RIOX1: variants seen among roughly 807,000 people sequenced by gnomAD.
RIOX1 encodes 60S ribosomal protein L8 histidine hydroxylase.
RIOX1 carries 33 observed loss-of-function variants against 44.6 expected under a neutral mutation model. The ratio of observed to expected loss-of-function variants is 0.74; its 90% CI spans 0.56 to 0.99. The LOEUF (loss-of-function observed/expected upper bound fraction) is 0.99. RIOX1 is among the 50% of genes least tolerant of loss of function. The probability of loss-of-function intolerance (pLI) is 0.00; values close to 1 mark genes in which losing one functional copy is unlikely to be tolerated. For missense variants in RIOX1, 821 were observed against 871.7 expected, an observed-to-expected ratio of 0.94 and a Z score of 0.73; for synonymous variants, 387 against 395.8, an observed-to-expected ratio of 0.98 and a Z score of 0.26.
rs1368216195 is a variant in RIOX1 at position 73,492,954 on chromosome 14, A to T, written c.*11A>T. 6.2e-7 allele frequency: 1 copy of T among 1,602,484 alleles called. No homozygotes were observed. Among genetic ancestry groups the T allele is most frequent in the Admixed American group, 1.7e-5 (1 of 59,236 alleles). The stretch of plus-strand genomic sequence containing the variant: ...CTAGCCCTAAATTAGTTTCTTGTTG[A>T]TTGCTGGAAACAAGGCAGTAGTGAT... On this transcript the variant is annotated 3_prime_UTR_variant, in exon 1 of 1. Coordinates refer to ENST00000304061, the MANE Select transcript of RIOX1 (RefSeq NM_024644.5). The surrounding 1 kb of genome is among the most constrained non-coding windows in gnomAD (Gnocchi z 4.9).
rs753520163 is a variant in RIOX1 at position 73,492,259 on chromosome 14, C to T, written c.1242C>T (p.His414=). 1 of 1,614,032 alleles carries T rather than the reference C, an allele frequency of 6.2e-7. No individual in the cohort carries two copies. The highest frequency in any genetic ancestry group is 1.7e-5 in the Admixed American group (1 of 60,018). ...IHQAECQDGV[H]SLHLTLSTYQ... ...AAGCTGAATGCCAGGATGGAGTCCA[C>T]TCTCTGCACCTCACCTTGTCCACGT... The change falls in exon 1 of 1, where the codon CAC becomes CAT. Residue 414 remains histidine (H), a synonymous_variant. Transcript: ENST00000304061. The surrounding 1 kb of genome is among the most constrained non-coding windows in gnomAD (Gnocchi z 4.9).
chr14:73,492,366 T>A lies in RIOX1; in HGVS notation c.1349T>A (p.Phe450Tyr). ...VQAAMEENVE[F>Y]RRGLPRDFMD... ...GCTGCAATGGAAGAAAATGTGGAGT[T>A]TCGGAGGGGTCTGCCCCGAGACTTC... is the stretch of plus-strand genomic sequence containing the variant. The change falls in exon 1 of 1, where the codon TTT becomes TAT. Residue 450 changes from phenylalanine (F) to tyrosine (Y), a missense_variant. This residue lies in a region of RIOX1 where 267 missense variants were observed against 340.5 expected (regional missense o/e 0.78). Coordinates refer to ENST00000304061, the MANE Select transcript of RIOX1 (RefSeq NM_024644.5). This position sits in a 1 kb window ranked among gnomAD's most constrained non-coding sequence, Gnocchi z 4.9. The A allele has an allele frequency of 6.2e-7, 1 of 1,613,848 alleles. No homozygotes were observed. Among genetic ancestry groups the A allele is most frequent in the Non-Finnish European group, 8.5e-7 (1 of 1,179,820 alleles).
chr14:73,491,322 C>T lies in RIOX1; in HGVS notation c.305C>T (p.Pro102Leu), dbSNP rs114305121. ...CGAGAGCCATACGGCCACCTGGGGCCCGCAGAGCTGCTGGAGGCCTCGCCC... is the reference window on the plus strand; with the variant it reads ...CGAGAGCCATACGGCCACCTGGGGCTCGCAGAGCTGCTGGAGGCCTCGCCC... Reference protein sequence around the residue: ...ARREPYGHLGPAELLEASPAA... With the variant: ...ARREPYGHLGLAELLEASPAA... Residue 102 changes from proline to leucine, a missense_variant, in exon 1 of 1, where the codon CCC (proline) becomes CTC (leucine). Transcript: ENST00000304061. 5.8e-3 allele frequency: 8,740 copies of T among 1,502,856 alleles called. 465 individuals carry two copies. In the African/African-American group the frequency reaches 0.11, roughly 19 times the overall value. 93.1% of individuals were successfully genotyped at this position (1,502,856 alleles called of 1,614,324 possible).
In RIOX1 at chr14:73,491,444, G is replaced by A; in HGVS notation, c.427G>A (p.Val143Met). 2 of 1,384,680 alleles carry A rather than the reference G, an allele frequency of 1.4e-6. No individual in the cohort carries two copies. Among genetic ancestry groups the A allele is most frequent in the Non-Finnish European group, 1.9e-6 (2 of 1,080,464 alleles). The allele number at this position is 1,384,680 out of a possible 1,614,324, so 85.8% of individuals were successfully genotyped here. A position where few individuals can be genotyped will look rare whatever the true frequency, so the allele number is the denominator to read the frequency against. ...GGTGCCCGCCGCGCCGGTCCGGGTG[G>A]TGGAGACCTCGGCCCTGCTGTGCAC... is the stretch of plus-strand genomic sequence containing the variant. ...VEVPAAPVRV[V>M]ETSALLCTAQ... Residue 143 changes from valine to methionine, a missense_variant, in exon 1 of 1, where the codon GTG (valine) becomes ATG (methionine). This residue lies in a region of RIOX1 where 554 missense variants were observed against 531.2 expected (regional missense o/e 1.04). Transcript: ENST00000304061.
Position 73,491,330 on chromosome 14 carries a change from C to A in RIOX1, c.313C>A (p.Leu105Met), listed in dbSNP as rs1295719023. Residue 105 changes from leucine to methionine, a missense_variant, in exon 1 of 1, where the codon CTG becomes ATG. Leu to Met is a conservative substitution (Grantham distance 15, BLOSUM62 2). Transcript: ENST00000304061. ...ATACGGCCACCTGGGGCCCGCAGAG[C>A]TGCTGGAGGCCTCGCCCGCCGCGCG... The part of the protein sequence containing the change: ...EPYGHLGPAE[L>M]LEASPAARSL... 2.7e-6 allele frequency: 4 copies of A among 1,471,916 alleles called. No homozygotes were observed. In the African/African-American group the frequency reaches 4.4e-5, roughly 16 times the overall value. The allele number at this position is 1,471,916 out of a possible 1,614,324, so 91.2% of individuals were successfully genotyped here.
At position 73,493,177 on chromosome 14, in the gene RIOX1, C is replaced by G. The variant is rs1202516133; in HGVS notation, c.*234C>G. 2 of 1,475,512 alleles carry G rather than the reference C, an allele frequency of 1.4e-6. No homozygotes were observed. The highest frequency in any genetic ancestry group is 2.8e-5 in the African/African-American group (2 of 71,914). The allele number at this position is 1,475,512 out of a possible 1,614,324, so 91.4% of individuals were successfully genotyped here. ...GGAGGTGGAAAAAAAACCCTTGATC[C>G]GTGATCATTTCAGAGCACCAACTTC... On this transcript the variant is annotated 3_prime_UTR_variant, in exon 1 of 1. Transcript: ENST00000304061.
In RIOX1 at chr14:73,492,926, C is replaced by T; in HGVS notation, c.1909C>T (p.Pro637Ser). 6.2e-7 allele frequency: 1 copy of T among 1,613,016 alleles called. No homozygotes were observed. The highest frequency in any genetic ancestry group is 8.5e-7 in the Non-Finnish European group (1 of 1,179,428). The stretch of plus-strand genomic sequence containing the variant: ...TAAGGGGCTGCTGCTCACTAAGATG[C>T]CTCTAGCCCTAAATTAGTTTCTTGT... The part of the protein sequence containing the change: ...YDKGLLLTKM[P>S]LALN The change falls in exon 1 of 1, where the codon CCT becomes TCT. Residue 637 changes from proline (P) to serine (S), a missense_variant. Pro to Ser is a moderately conservative substitution (Grantham distance 74, BLOSUM62 -1). This residue lies in a region of RIOX1 where 267 missense variants were observed against 340.5 expected (regional missense o/e 0.78). Transcript: ENST00000304061. This position sits in a 1 kb window ranked among gnomAD's most constrained non-coding sequence, Gnocchi z 4.9.
rs1885833457 is a variant in RIOX1, at chr14:73,492,435, G to A, written c.1418G>A (p.Arg473Gln). ...CAGCATTCAGATTCTAAGGATCCGC[G>A]AAGAACCGCTTTCATGGAGAAGGTG... ...GAQHSDSKDP[R>Q]RTAFMEKVRV... Residue 473 changes from arginine (R) to glutamine (Q), a missense_variant, in exon 1 of 1, where the codon CGA becomes CAA. Physicochemically the swap from Arg to Gln is conservative, Grantham distance 43 (BLOSUM62 1). Coordinates refer to ENST00000304061, the MANE Select transcript of RIOX1 (RefSeq NM_024644.5). This position sits in a 1 kb window ranked among gnomAD's most constrained non-coding sequence, Gnocchi z 4.9. 3 of 1,613,738 alleles carry A rather than the reference G, an allele frequency of 1.9e-6. No individual in the cohort carries two copies. The highest frequency in any genetic ancestry group is 2.5e-6 in the Non-Finnish European group (3 of 1,179,762).
chr14:73,492,297 C>G lies in RIOX1; in HGVS notation c.1280C>G (p.Thr427Ser). 5 of 1,614,058 alleles carry G rather than the reference C, an allele frequency of 3.1e-6. No individual in the cohort carries two copies. The South Asian group carries it at 3.3e-5, about 11-fold the overall frequency. Residue 427 changes from threonine (T) to serine (S), a missense_variant, in exon 1 of 1, where the codon ACC (threonine) becomes AGC (serine). This residue lies in a region of RIOX1 where 267 missense variants were observed against 340.5 expected (regional missense o/e 0.78). Coordinates refer to ENST00000304061, the MANE Select transcript of RIOX1 (RefSeq NM_024644.5). This position sits in a 1 kb window ranked among gnomAD's most constrained non-coding sequence, Gnocchi z 4.9. ...ACCTTGTCCACGTACCAGCGCAATACCTGGGGTGACTTCTTAGAGGCCATA... is the reference window on the plus strand; with the variant it reads ...ACCTTGTCCACGTACCAGCGCAATAGCTGGGGTGACTTCTTAGAGGCCATA... Reference protein sequence around the residue: ...HLTLSTYQRNTWGDFLEAILP... With the variant: ...HLTLSTYQRNSWGDFLEAILP...
Position 73,493,059 on chromosome 14 carries a change from C to T in RIOX1, c.*116C>T, listed in dbSNP as rs1188065076. The T allele has an allele frequency of 6.2e-7, 1 of 1,607,050 alleles. No individual in the cohort carries two copies. Among genetic ancestry groups the T allele is most frequent in the African/African-American group, 1.4e-5 (1 of 73,392 alleles). ...ACCTTGATAAGCATCAGTGTGCTCA[C>T]ATTTACCTTTATCACTGCTTCAGTG... On this transcript the variant is annotated 3_prime_UTR_variant, in exon 1 of 1. Transcript: ENST00000304061.
Position 73,492,326 on chromosome 14 carries a change from C to T in RIOX1, c.1309C>T (p.Pro437Ser), listed in dbSNP as rs1885823462. The T allele has an allele frequency of 3.1e-6, 5 of 1,614,042 alleles. No individual in the cohort carries two copies. The highest frequency in any genetic ancestry group is 3.3e-4 in the Middle Eastern group (2 of 6,062). Residue 437 changes from proline (P) to serine (S), a missense_variant, in exon 1 of 1, where the codon CCT (proline) becomes TCT (serine). Physicochemically the swap from Pro to Ser is moderately conservative, Grantham distance 74. Around this residue, in one of 2 missense-constraint regions of RIOX1, gnomAD observed 267 missense variants for 340.5 expected, o/e 0.78. Transcript: ENST00000304061. This position sits in a 1 kb window ranked among gnomAD's most constrained non-coding sequence, Gnocchi z 4.9. Reference sequence around the variant, plus strand: ...GGGTGACTTCTTAGAGGCCATACTGCCTCTGGCAGTGCAGGCTGCAATGGA... The same window carrying T: ...GGGTGACTTCTTAGAGGCCATACTGTCTCTGGCAGTGCAGGCTGCAATGGA... ...TWGDFLEAIL[P>S]LAVQAAMEEN...
Position 73,492,253 on chromosome 14 carries a change from A to C in RIOX1, c.1236A>C (p.Gly412=), listed in dbSNP as rs187143550. 6 of 1,613,990 alleles carry C rather than the reference A, an allele frequency of 3.7e-6. No homozygotes were observed. The highest frequency in any genetic ancestry group is 5.1e-6 in the Non-Finnish European group (6 of 1,179,880). ...GFIHQAECQD[G]VHSLHLTLST... is the part of the protein sequence containing the mutation. The stretch of plus-strand genomic sequence containing the variant: ...TTCACCAAGCTGAATGCCAGGATGG[A>C]GTCCACTCTCTGCACCTCACCTTGT... The change falls in exon 1 of 1, where the codon GGA becomes GGC. Residue 412 remains glycine (G), a synonymous_variant. Coordinates refer to ENST00000304061, the MANE Select transcript of RIOX1 (RefSeq NM_024644.5). The surrounding 1 kb of genome is among the most constrained non-coding windows in gnomAD (Gnocchi z 4.9).
Position 73,493,255 on chromosome 14 carries a change from G to C in RIOX1, c.*312G>C, listed in dbSNP as rs1401751734. 7.1e-6 allele frequency: 5 copies of C among 708,058 alleles called. No homozygotes were observed. The African/African-American group carries it at 9.0e-5, about 13-fold the overall frequency. 43.9% of individuals were successfully genotyped at this position (708,058 alleles called of 1,614,324 possible). On this transcript the variant is annotated 3_prime_UTR_variant, in exon 1 of 1. Transcript: ENST00000304061. ...TAACACTGACCATGTCGTTCTGCTT[G>C]AGACAGATATTAGATTTTTTTTGGA...
At position 73,492,031 on chromosome 14, in the gene RIOX1, C is replaced by T. The variant is rs769724580; in HGVS notation, c.1014C>T (p.Ala338=). 1.2e-6 allele frequency: 2 copies of T among 1,613,860 alleles called. No homozygotes were observed. Among genetic ancestry groups the T allele is most frequent in the African/African-American group, 1.3e-5 (1 of 74,916 alleles). Residue 338 remains alanine (A), a synonymous_variant, in exon 1 of 1, where the codon GCC becomes GCT. Transcript: ENST00000304061. The surrounding 1 kb of genome is among the most constrained non-coding windows in gnomAD (Gnocchi z 4.9). The part of the protein sequence containing the change: ...YLTPPNSQGF[A]PHYDDIEAFV... ...CGCCCCCTAACTCGCAGGGCTTTGC[C>T]CCCCACTACGACGACATCGAGGCCT...
rs1885909032 is a variant in RIOX1, at chr14:73,493,285, G to A, written c.*342G>A. 2 of 601,762 alleles carry A rather than the reference G, an allele frequency of 3.3e-6. No homozygotes were observed. The highest frequency in any genetic ancestry group is 1.9e-5 in the African/African-American group (1 of 53,130). 37.3% of individuals were successfully genotyped at this position (601,762 alleles called of 1,614,324 possible). On this transcript the variant is annotated 3_prime_UTR_variant, in exon 1 of 1. Coordinates refer to ENST00000304061, the MANE Select transcript of RIOX1 (RefSeq NM_024644.5). ...AGATATTAGATTTTTTTTGGAATTT[G>A]GATCTTTCATCTGAGTTCTTTTTCA...
rs1408216463 is a variant in RIOX1 at position 73,491,720 on chromosome 14, C to A, written c.703C>A (p.His235Asn). The A allele has an allele frequency of 1.9e-6, 3 of 1,551,542 alleles. No homozygotes were observed. In the African/African-American group the frequency reaches 4.1e-5, roughly 21 times the overall value. Residue 235 changes from histidine to asparagine, a missense_variant, in exon 1 of 1, where the codon CAC becomes AAC. Transcript: ENST00000304061. ...GGCGGTGCTGGTGCGGCGGCAGGAC[C>A]ACACCTACTACCAGGGACTTTTCTC... ...REAVLVRRQD[H>N]TYYQGLFSTA... is the part of the protein sequence containing the mutation.
rs1009056807 is a variant in RIOX1, at chr14:73,491,505, C to G, written c.488C>G (p.Ala163Gly). Residue 163 changes from alanine to glycine, a missense_variant, in exon 1 of 1, where the codon GCC (alanine) becomes GGC (glycine). Ala to Gly is a moderately conservative substitution (Grantham distance 60, BLOSUM62 0). Coordinates refer to ENST00000304061, the MANE Select transcript of RIOX1 (RefSeq NM_024644.5). ...QHLAAVQSSG[A>G]PATASGPQVD... Reference sequence around the variant, plus strand: ...TTAGCGGCCGTCCAGTCGTCCGGGGCCCCTGCGACGGCGTCGGGGCCGCAG... The same window carrying G: ...TTAGCGGCCGTCCAGTCGTCCGGGGGCCCTGCGACGGCGTCGGGGCCGCAG... 1.3e-6 allele frequency: 2 copies of G among 1,513,734 alleles called. No individual in the cohort carries two copies. Among genetic ancestry groups the G allele is most frequent in the Admixed American group, 4.2e-5 (2 of 47,978 alleles). 93.8% of individuals were successfully genotyped at this position (1,513,734 alleles called of 1,614,324 possible).
chr14:73,491,195 A>G lies in RIOX1; in HGVS notation c.178A>G (p.Ser60Gly), dbSNP rs1210105205. The change falls in exon 1 of 1, where the codon AGC (serine) becomes GGC (glycine). Residue 60 changes from serine to glycine, a missense_variant. By Grantham distance (56) the Ser-to-Gly change is moderately conservative. This residue lies in a region of RIOX1 where 554 missense variants were observed against 531.2 expected (regional missense o/e 1.04). Coordinates refer to ENST00000304061, the MANE Select transcript of RIOX1 (RefSeq NM_024644.5). Reference protein sequence around the residue: ...MAALRTQTLPSENSEESRVES... With the variant: ...MAALRTQTLPGENSEESRVES... ...AGCGCTGAGGACGCAGACGCTGCCT[A>G]GCGAGAACTCGGAGGAATCGAGGGT... 3.8e-6 allele frequency: 6 copies of G among 1,596,920 alleles called. No homozygotes were observed. The highest frequency in any genetic ancestry group is 5.1e-6 in the Non-Finnish European group (6 of 1,171,250).
Position 73,491,016 on chromosome 14 carries a change from C to A in RIOX1, c.-2C>A. ...GGCGGGGAAGACTGGTGTGGTCTGG[C>A]CATGGATGGGCTCCAGGCCAGTGCA... On this transcript the variant is annotated 5_prime_UTR_variant, in exon 1 of 1. Coordinates refer to ENST00000304061, the MANE Select transcript of RIOX1 (RefSeq NM_024644.5). 1.3e-6 allele frequency: 2 copies of A among 1,493,036 alleles called. No homozygotes were observed. The highest frequency in any genetic ancestry group is 2.6e-5 in the East Asian group (1 of 38,474). 92.5% of individuals were successfully genotyped at this position (1,493,036 alleles called of 1,614,324 possible). A position where few individuals can be genotyped will look rare whatever the true frequency, so the allele number is the denominator to read the frequency against.
Sources: allele counts gnomAD v4.1 joint callset, GRCh38; gene constraint gnomAD v4.1.1; regional missense constraint gnomAD v4.1.1; non-coding constraint Gnocchi (gnomAD v3.1); transcripts MANE v1.5; gene names NCBI Gene and HGNC (gene_info 2026-07-23, HGNC 2026-07-21).